Variants in GLI2 observed in about 807,000 individuals in gnomAD.
The protein encoded by GLI2 is transcription activator GLI2.
In GLI2, 22 loss-of-function variants were observed where a neutral mutation model predicts 78.9. The ratio of observed to expected loss-of-function variants is 0.28; its 90% CI spans 0.20 to 0.40. GLI2 has a LOEUF of 0.40. Ranked by LOEUF, GLI2 falls within the 10% of genes least tolerant of loss-of-function variation. The pLI, the probability that GLI2 is intolerant of heterozygous loss-of-function variation, is 1.00. For synonymous variants in GLI2, 974 were observed against 963.7 expected (o/e 1.01, Z -0.20); for missense variants, 2,097 against 2,213.2 (o/e 0.95, Z 1.05).
At chr2:120,975,330 G>GA (rs1338654821) in intron 9 of GLI2, among the ~76,000 whole-genome samples, 4 of 152,064 alleles carry the variant, frequency 2.6e-5, no homozygotes, top group Admixed American at 2.6e-4. Context: ...ACAATTAAAA[G>GA]AAAAAATAAG....
chr2:120,852,588 C>G (rs1344989199), intron 2 of GLI2, among the ~76,000 whole-genome samples: 1 of 152,196 alleles, frequency 6.6e-6, no homozygotes, highest in African/African-American at 2.4e-5. Context: ...TAAACACAGA[C>G]AGGGGAGGTA....
Position 120,989,699 on chromosome 2 carries a change from CCCT to C in GLI2, c.3736_3738del (p.Leu1246del), listed in dbSNP as rs1210495399. On this transcript the variant is annotated inframe_deletion, in exon 14 of 14. Coordinates refer to ENST00000361492, the MANE Select transcript of GLI2 (RefSeq NM_001374353.1). Reference sequence around the variant, plus strand: ...CTGAGCCCCAGCACCATCAGTGGGGCCCTCAACCAGTTCCCCCAATCCTGCAGC... The same window carrying C: ...CTGAGCCCCAGCACCATCAGTGGGGCCAACCAGTTCCCCCAATCCTGCAGC... The C allele has an allele frequency of 6.2e-7, 1 of 1,613,266 alleles. No individual in the cohort carries two copies. The highest frequency in any genetic ancestry group is 8.5e-7 in the Non-Finnish European group (1 of 1,179,956).
rs764344747 is a variant in GLI2 at position 120,782,848 on chromosome 2, C to T, written c.-30-14443C>T. 7.2e-5 allele frequency among the ~76,000 whole-genome samples: 11 copies of T among 152,312 alleles called. 1 individual carries two copies. Among genetic ancestry groups the T allele is most frequent in the East Asian group, 3.9e-4 (2 of 5,174 alleles). On this transcript the variant is annotated intron_variant, in intron 1 of 13. Coordinates refer to ENST00000361492, the MANE Select transcript of GLI2 (RefSeq NM_001374353.1). The stretch of plus-strand genomic sequence containing the variant: ...TGTCCCTTGGTGGCAAATTCACTCC[C>T]GGTTGAGAACTGCTGCTGTAGAGGA...
At chr2:120,893,354 G>A (rs900002441) in intron 2 of GLI2, among the ~76,000 whole-genome samples, 2 of 151,896 alleles carry the variant, frequency 1.3e-5, no homozygotes, top group Non-Finnish European at 2.9e-5. Context: ...CCCCACCTGG[G>A]GTATGTGTGT....
intron 2 of GLI2, among the ~76,000 whole-genome samples, chr2:120,901,952 G>A (rs943019474): frequency 3.9e-5 from 6 of 152,114 alleles, no homozygotes; most frequent in African/African-American, 1.4e-4. Context: ...TAATTTGCAG[G>A]AAATTCAGAT....
At chr2:120,827,751 G>A (rs555829363) in intron 2 of GLI2, among the ~76,000 whole-genome samples, 2 of 152,304 alleles carry the variant, frequency 1.3e-5, no homozygotes, top group Admixed American at 1.3e-4. Context: ...CCTTGAGAAC[G>A]TTATGCTAAG....
At chr2:120,753,625 G>A (rs1682944569) in intron 1 of GLI2, among the ~76,000 whole-genome samples, 2 of 152,142 alleles carry the variant, frequency 1.3e-5, no homozygotes, top group African/African-American at 2.4e-5. Context: ...CAGGCTGGGC[G>A]CGGTGGCTCA....
At chr2:120,951,041 C>G (rs1185407337) in intron 3 of GLI2, among the ~76,000 whole-genome samples, 1 of 149,206 alleles carries the variant, frequency 6.7e-6, no homozygotes, top group Non-Finnish European at 1.5e-5. Context: ...GGAGCTTTCA[C>G]TCTGCATTCA....
intron 1 of GLI2, among the ~76,000 whole-genome samples, chr2:120,746,541 CT>C: frequency 6.6e-6 from 1 of 152,350 alleles, no homozygotes; most frequent in African/African-American, 2.4e-5. Flanking sequence ...TCTTCTGCTT[CT>C]GTTTTCTTGG....
chr2:120,931,141 G>A (rs1679927906), intron 3 of GLI2, among the ~76,000 whole-genome samples: 1 of 152,230 alleles, frequency 6.6e-6, no homozygotes, highest in Non-Finnish European at 1.5e-5. Context: ...CATTCCGGAG[G>A]TCAGAAGTCT....
chr2:120,771,402 C>T (rs78792487), intron 1 of GLI2, among the ~76,000 whole-genome samples: 1,704 of 152,342 alleles, frequency 0.011, 24 homozygotes, highest in African/African-American at 0.038. Context: ...TGAGGCTTGG[C>T]CTCCGCATCT....
intron 2 of GLI2, among the ~76,000 whole-genome samples, chr2:120,889,242 G>A (rs1677564422): frequency 6.6e-6 from 1 of 152,224 alleles, no homozygotes; most frequent in South Asian, 2.1e-4. Flanking sequence ...AACTCAAATG[G>A]CTCTTTCTTT....
chr2:120,848,408 G>A (rs577621622), intron 2 of GLI2, among the ~76,000 whole-genome samples: 13 of 152,310 alleles, frequency 8.5e-5, no homozygotes, highest in Non-Finnish European at 1.6e-4. Flanking sequence ...CAGGGAGTTC[G>A]CAGCAGGGTG....
rs1206783348 is a variant in GLI2, at chr2:120,991,685, C to T, written c.*1010C>T. ...TCCACCCACTTTACCACCAAAAACT[C>T]CAGGGCCTGACGGCAGCCCGGTCCC... On this transcript the variant is annotated 3_prime_UTR_variant, in exon 14 of 14. Coordinates refer to ENST00000361492, the MANE Select transcript of GLI2 (RefSeq NM_001374353.1). The T allele has an allele frequency of 6.5e-6, 1 of 152,872 alleles. No individual in the cohort carries two copies. Among genetic ancestry groups the T allele is most frequent in the East Asian group, 1.9e-4 (1 of 5,180 alleles). The allele number at this position is 152,872 out of a possible 1,614,324, so 9.5% of individuals were successfully genotyped here.
chr2:120,985,510 A>G (rs1682930975), intron 12 of GLI2, among the ~76,000 whole-genome samples: 1 of 152,200 alleles, frequency 6.6e-6, no homozygotes, highest in Non-Finnish European at 1.5e-5. Flanking sequence ...GGGTGGCGCC[A>G]TGGACAACAC....
chr2:120,975,143 G>C (rs765894705), intron 9 of GLI2, 34 bp downstream of exon 9: 3 of 1,610,186 alleles, frequency 1.9e-6, no homozygotes, highest in Non-Finnish European at 2.5e-6. Flanking sequence ...CCGCCAACCG[G>C]GGCACGGCCC....
intron 1 of GLI2, among the ~76,000 whole-genome samples, chr2:120,761,974 T>A (rs1227762111): frequency 6.6e-6 from 1 of 152,224 alleles, no homozygotes; most frequent in Non-Finnish European, 1.5e-5. Flanking sequence ...TAGGCAAAAG[T>A]ACAGAGTGAG....
chr2:120,918,438 C>CTTTT (rs563960856), intron 2 of GLI2, among the ~76,000 whole-genome samples: 2 of 127,056 alleles, frequency 1.6e-5, no homozygotes, highest in African/African-American at 5.7e-5. Flanking sequence ...CATAAATATT[C>CTTTT]TTTTTTTTTT....
chr2:120,985,453 C>T (rs974317388), intron 12 of GLI2, among the ~76,000 whole-genome samples: 12 of 152,168 alleles, frequency 7.9e-5, no homozygotes, highest in Admixed American at 7.2e-4. Context: ...GACAGGGAGG[C>T]ATGCGTCTAG....
Sources: gnomAD v4.1 joint callset for allele counts (sites outside exome capture counted in the v4.1 genomes callset) on GRCh38, gnomAD v4.1.1 for gene constraint, MANE v1.5 for transcripts, NCBI Gene and HGNC (gene_info 2026-07-23, HGNC 2026-07-21) for gene names.